Variants in CES4A observed in about 807,000 individuals in gnomAD.
CES4A encodes carboxylesterase 6.
CES4A carries 48 observed loss-of-function variants against 65.4 expected under a neutral mutation model. The observed-to-expected ratio is 0.73, with a 90% confidence interval of 0.58 to 0.93. The LOEUF is 0.93. Ranked by LOEUF, CES4A falls within the 40% of genes least tolerant of loss-of-function variation. The pLI, the probability that CES4A is intolerant of heterozygous loss-of-function variation, is 0.00. For synonymous variants in CES4A, 247 were observed against 281.8 expected (o/e 0.88, Z 1.24); for missense variants, 685 against 728.5 (o/e 0.94, Z 0.69).
At chr16:67,005,755 A>C (rs1478173600) in intron 11 of CES4A, 1 of 191,926 alleles carries the variant, frequency 5.2e-6, no homozygotes, top group African/African-American at 2.4e-5. Context: ...AGGCTGACGC[A>C]GGAGAATCGC....
chr16:67,001,566 C>G lies in CES4A; in HGVS notation c.690+105C>G, dbSNP rs535742758. ...ATGTGCAGATTTGCGTGTACAGGAA[C>G]GTGCCTGCCACAGAAATGCTCTCGC... On this transcript the variant is annotated intron_variant, in intron 5 of 13. Transcript: ENST00000648724. The surrounding 1 kb of genome is among the most constrained non-coding windows in gnomAD (Gnocchi z 4.1). 75 of 1,330,396 alleles carry G rather than the reference C, an allele frequency of 5.6e-5. 1 individual carries two copies. In the South Asian group the frequency reaches 9.7e-4, roughly 17 times the overall value. The allele number at this position is 1,330,396 out of a possible 1,614,324, so 82.4% of individuals were successfully genotyped here.
chr16:67,001,795 A>G lies in CES4A; in HGVS notation c.690+334A>G, dbSNP rs891571133. Among the ~76,000 whole-genome samples the G allele has an allele frequency of 6.6e-5, 10 of 152,248 alleles. No individual in the cohort carries two copies. Among genetic ancestry groups the G allele is most frequent in the African/African-American group, 2.4e-4 (10 of 41,470 alleles). On this transcript the variant is annotated intron_variant, in intron 5 of 13. Coordinates refer to ENST00000648724, the Ensembl canonical transcript of CES4A. This position sits in a 1 kb window ranked among gnomAD's most constrained non-coding sequence, Gnocchi z 4.1. ...GAGCCCACCATCTGCCCCCTGGGCAAGGCTAGGACCTCACACCAGGCCTGC... is the reference window on the plus strand; with the variant it reads ...GAGCCCACCATCTGCCCCCTGGGCAGGGCTAGGACCTCACACCAGGCCTGC...
chr16:66,990,732 AG>A (rs1204639059), intron 1 of CES4A, among the ~76,000 whole-genome samples: 1 of 152,110 alleles, frequency 6.6e-6, no homozygotes, highest in Non-Finnish European at 1.5e-5. Context: ...AGAAAAGAAA[AG>A]AAAGAATGAA....
At chr16:67,004,866 C>A (rs1276079770) in exon 10 of CES4A, 3 of 1,535,910 alleles carry the variant, frequency 2.0e-6, no homozygotes, top group Admixed American at 3.9e-5. Context: ...AGTACCCGCA[C>A]CCTGTTGGTG....
chr16:67,001,233 G>A lies in CES4A; in HGVS notation c.537-75G>A, dbSNP rs1051881256. 6.8e-7 allele frequency: 1 copy of A among 1,478,270 alleles called. No individual in the cohort carries two copies. The allele number at this position is 1,478,270 out of a possible 1,614,324, so 91.6% of individuals were successfully genotyped here. ...AGGGGCAAGGCTGGGCTGGGTGGGG[G>A]AAGCCCAGGAGGGCAGCCCAACGCG... is the stretch of plus-strand genomic sequence containing the variant. On this transcript the variant is annotated intron_variant, in intron 4 of 13. Transcript: ENST00000648724. This position sits in a 1 kb window ranked among gnomAD's most constrained non-coding sequence, Gnocchi z 4.1.
rs192953549 is a variant in CES4A at position 66,998,721 on chromosome 16, G to T, written c.261-1917G>T. Among the ~76,000 whole-genome samples the T allele has an allele frequency of 5.5e-3, 837 of 152,210 alleles. 9 individuals are homozygous for T. The highest frequency in any genetic ancestry group is 5.8e-3 in the Non-Finnish European group (393 of 68,008). On this transcript the variant is annotated intron_variant, in intron 2 of 13. Coordinates refer to ENST00000648724, the Ensembl canonical transcript of CES4A. The stretch of plus-strand genomic sequence containing the variant: ...GTCTCTTCTAAAAATACAAAAATTA[G>T]CTAGGTGTCGTGGCATGTGCCTCAG...
rs1015260512 is a variant in CES4A, at chr16:67,000,389, G to C, written c.261-249G>C. ...GTTCCTGCCTTGACAGCACCAACAG[G>C]AGCAGGAATCTCTCCACGGACTGAG... On this transcript the variant is annotated intron_variant, in intron 2 of 13. Coordinates refer to ENST00000648724, the Ensembl canonical transcript of CES4A. The surrounding 1 kb of genome is among the most constrained non-coding windows in gnomAD (Gnocchi z 4.2). 4.3e-5 allele frequency: 35 copies of C among 812,544 alleles called. No homozygotes were observed. In the African/African-American group the frequency reaches 6.3e-4, roughly 15 times the overall value. The allele number at this position is 812,544 out of a possible 1,614,324, so 50.3% of individuals were successfully genotyped here.
At chr16:67,006,764 G>A (rs762520681) in exon 13 of CES4A, 3 of 1,614,172 alleles carry the variant, frequency 1.9e-6, no homozygotes, top group African/African-American at 1.3e-5. Flanking sequence ...TGGGTAAGGA[G>A]AAGGCACTTA....
downstream of CES4A, among the ~76,000 whole-genome samples, chr16:67,010,032 C>T (rs918850221): frequency 4.0e-5 from 6 of 151,772 alleles, no homozygotes; most frequent in Non-Finnish European, 8.8e-5. Context: ...GTATCCCAGC[C>T]TGTCCCACAG....
At position 67,003,311 on chromosome 16, in the gene CES4A, G is replaced by C. The variant is rs780858231; in HGVS notation, c.851G>C (p.Cys284Ser). The change falls in exon 7 of 14, where the codon TGC (cysteine) becomes TCC (serine). Residue 284 changes from cysteine (C) to serine (S), a missense_variant. Coordinates refer to ENST00000648724, the Ensembl canonical transcript of CES4A. The surrounding 1 kb of genome is among the most constrained non-coding windows in gnomAD (Gnocchi z 4.2). ...AACAGCACACAGATCCTGGTAAACT[G>C]CCTGAGGGCACTATCAGGGACCAAG... The C allele has an allele frequency of 1.7e-5, 27 of 1,614,148 alleles. No individual in the cohort carries two copies. In the East Asian group the frequency reaches 5.6e-4, roughly 33 times the overall value.
At position 67,002,258 on chromosome 16, in the gene CES4A, C is replaced by T. The variant is rs78020902; in HGVS notation, c.690+797C>T. ...TCAGCTCACCATTACCTCCGCCTCC[C>T]GGGTTCAAGCGATTCTCCAAAGCAG... On this transcript the variant is annotated intron_variant, in intron 5 of 13. Coordinates refer to ENST00000648724, the Ensembl canonical transcript of CES4A. 0.012 allele frequency among the ~76,000 whole-genome samples: 1,874 copies of T among 152,184 alleles called. 105 individuals are homozygous for T. The East Asian group carries it at 0.17, about 14-fold the overall frequency.
At chr16:66,989,889 C>T (rs561294616) in intron 1 of CES4A, among the ~76,000 whole-genome samples, 2 of 151,816 alleles carry the variant, frequency 1.3e-5, no homozygotes, top group African/African-American at 4.8e-5. Context: ...TCCAGCGTCC[C>T]ATGTACTCCT....
chr16:67,005,372 C>T lies in CES4A; in HGVS notation c.1294C>T (p.Gln432Ter). ...TGCCACTTTCGTGTATGCCACACTGCAGACTGCTCACTACCACCGAGGTAT... is the reference window on the plus strand; with the variant it reads ...TGCCACTTTCGTGTATGCCACACTGTAGACTGCTCACTACCACCGAGGTAT... The change falls in exon 11 of 14, where the codon CAG (glutamine) becomes TAG (stop). Residue 432 changes from glutamine to a stop codon, truncating the protein, a stop_gained. Coordinates refer to ENST00000648724, the Ensembl canonical transcript of CES4A. LOFTEE classifies it high-confidence loss of function. The T allele has an allele frequency of 1.9e-6, 3 of 1,614,020 alleles. No individual in the cohort carries two copies. The highest frequency in any genetic ancestry group is 1.7e-6 in the Non-Finnish European group (2 of 1,179,986).
intron 1 of CES4A, among the ~76,000 whole-genome samples, chr16:66,993,105 A>G (rs186851205): frequency 6.6e-6 from 1 of 152,312 alleles, no homozygotes; most frequent in East Asian, 1.9e-4. Context: ...GACAGCCTGG[A>G]AGAGGAAGAA....
chr16:67,004,805 C>T, exon 10 of CES4A: 1 of 1,536,092 alleles, frequency 6.5e-7, no homozygotes, highest in South Asian at 1.2e-5. Context: ...CATGAAGTTC[C>T]CGCTAAACCG....
At chr16:66,990,908 A>G (rs1473460804) in intron 1 of CES4A, among the ~76,000 whole-genome samples, 7 of 152,208 alleles carry the variant, frequency 4.6e-5, no homozygotes, top group African/African-American at 1.7e-4. Context: ...AATTTAGTTC[A>G]GAAAGGTCTT....
intron 13 of CES4A, chr16:67,008,754 T>G: frequency 1.9e-6 from 1 of 513,688 alleles, no homozygotes; most frequent in Non-Finnish European, 3.5e-6. Context: ...CCAAAAGCCT[T>G]GGTCTTTTAT....
chr16:66,997,466 A>G (rs1025171849), intron 2 of CES4A, among the ~76,000 whole-genome samples: 1 of 152,144 alleles, frequency 6.6e-6, no homozygotes, highest in African/African-American at 2.4e-5. Context: ...CTGCCTGGGT[A>G]GTTACGGGGG....
At chr16:67,007,530 T>TGCTG (rs914716022) in intron 13 of CES4A, 17 of 152,310 alleles carry the variant, frequency 1.1e-4, no homozygotes, top group African/African-American at 4.1e-4. Flanking sequence ...CCTCTGAAAG[T>TGCTG]GCTGGGATTA....
Sources: allele counts gnomAD v4.1 joint callset (sites outside exome capture counted in the v4.1 genomes callset), GRCh38; gene constraint gnomAD v4.1.1; non-coding constraint Gnocchi (gnomAD v3.1); transcripts MANE v1.5; gene names NCBI Gene and HGNC (gene_info 2026-07-23, HGNC 2026-07-21).